The following ZMYND19 variants were observed in gnomAD, a reference collection of about 807,000 sequenced individuals.
ZMYND19 encodes the protein zinc finger MYND-type containing 19, also known as zinc finger MYND domain-containing protein 19.
In ZMYND19, 17 loss-of-function variants were observed where a neutral mutation model predicts 32.0. The ratio of observed to expected loss-of-function variants is 0.53; its 90% CI spans 0.36 to 0.80. The LOEUF (loss-of-function observed/expected upper bound fraction) is 0.80, where lower values mean the gene tolerates loss of function less well. Among genes scored for constraint, ZMYND19 ranks in the 30% least tolerant of loss-of-function variants. The pLI is 0.00. For missense variants in ZMYND19, 250 were observed against 293.6 expected (o/e 0.85, Z 1.09); for synonymous variants, 124 against 113.6 (o/e 1.09, Z -0.58).
At chr9:137,589,283 GCCT>G (rs1842242108) in intron 1 of ZMYND19, 1 of 974,620 alleles carries the variant, frequency 1.0e-6, no homozygotes, top group Non-Finnish European at 1.2e-6. Context: ...GTGGAAAAAA[GCCT>G]CCTCCCCAGC....
chr9:137,587,331 G>A (rs944701859), intron 3 of ZMYND19: 4 of 726,162 alleles, frequency 5.5e-6, no homozygotes, highest in South Asian at 2.0e-5. Flanking sequence ...GGGAGGACCC[G>A]GCCCCTGGAC....
intron 4 of ZMYND19, among the ~76,000 whole-genome samples, chr9:137,584,495 C>T (rs1226037386): frequency 6.6e-6 from 1 of 152,216 alleles, no homozygotes; most frequent in Admixed American, 6.5e-5. Flanking sequence ...GCTGGCCGGA[C>T]CCTGAGTCTT....
At chr9:137,584,789 G>T (rs1045041069) in intron 4 of ZMYND19, among the ~76,000 whole-genome samples, 3 of 152,206 alleles carry the variant, frequency 2.0e-5, no homozygotes, top group African/African-American at 7.2e-5. Context: ...AGAACAGGGT[G>T]CCTGCTTCAG....
In ZMYND19 at chr9:137,590,264, G is replaced by A. The variant is rs1842258155; in HGVS notation, c.-1C>T. On this transcript the variant is annotated 5_prime_UTR_variant, in exon 1 of 6. Transcript: ENST00000298585. This position sits in a 1 kb window ranked among gnomAD's most constrained non-coding sequence, Gnocchi z 4.2. ...CGATACCCAATTTGAAGTCGGTCAT[G>A]GCCGGGCCTGCGCTCTCGGCCGGCA... is the stretch of plus-strand genomic sequence containing the variant. 8.8e-7 allele frequency: 1 copy of A among 1,130,714 alleles called. No homozygotes were observed. The highest frequency in any genetic ancestry group is 2.1e-5 in the South Asian group (1 of 47,362). 70.0% of individuals were successfully genotyped at this position (1,130,714 alleles called of 1,614,324 possible).
intron 4 of ZMYND19, among the ~76,000 whole-genome samples, chr9:137,583,968 G>A (rs551098417): frequency 9.2e-5 from 14 of 152,340 alleles, no homozygotes; most frequent in African/African-American, 2.2e-4. Flanking sequence ...ACAAAGAGCC[G>A]GACCACAGGG....
chr9:137,590,469 G>GCCGCCGCCGCCA lies in ZMYND19; in HGVS notation c.-218_-207dup, dbSNP rs1223931732. 7.9e-5 allele frequency: 13 copies of GCCGCCGCCGCCA among 163,796 alleles called. No individual in the cohort carries two copies. The highest frequency in any genetic ancestry group is 1.9e-4 in the African/African-American group (8 of 41,050). The allele number at this position is 163,796 out of a possible 1,614,324, so 10.1% of individuals were successfully genotyped here. A position where few individuals can be genotyped will look rare whatever the true frequency, so the allele number is the denominator to read the frequency against. On this transcript the variant is annotated 5_prime_UTR_variant, in exon 1 of 6. Coordinates refer to ENST00000298585, the MANE Select transcript of ZMYND19 (RefSeq NM_138462.3). This position sits in a 1 kb window ranked among gnomAD's most constrained non-coding sequence, Gnocchi z 4.2. The stretch of plus-strand genomic sequence containing the variant: ...CCCGCCGGACCTGCCACGCGCCGCC[G>GCCGCCGCCGCCA]CCGCCGCCGCCACCGCCACCGCGCG...
At chr9:137,585,335 G>C (rs899474583) in intron 4 of ZMYND19, among the ~76,000 whole-genome samples, 1 of 150,566 alleles carries the variant, frequency 6.6e-6, no homozygotes, top group Admixed American at 6.7e-5. Flanking sequence ...GGGCAGAATT[G>C]CTTGAACTGG....
intron 3 of ZMYND19, 23 bp from the exon 4 acceptor site, chr9:137,587,130 G>C (rs1842214904): frequency 6.3e-7 from 1 of 1,599,618 alleles, no homozygotes; most frequent in Non-Finnish European, 8.5e-7. Context: ...AGCAAACCCT[G>C]CATCTAACCC....
chr9:137,582,904 G>A, intron 5 of ZMYND19, 79 bp downstream of exon 5: 1 of 1,571,942 alleles, frequency 6.4e-7, no homozygotes, highest in Non-Finnish European at 8.6e-7. Context: ...GGACCCCGCG[G>A]TGGAGGGCAA....
intron 4 of ZMYND19, among the ~76,000 whole-genome samples, chr9:137,586,164 C>T (rs906008539): frequency 3.9e-5 from 6 of 152,280 alleles, no homozygotes; most frequent in African/African-American, 1.4e-4. Context: ...GGGCTGAGCC[C>T]TGAACCATTC....
chr9:137,588,569 C>G, intron 2 of ZMYND19, 90 bp downstream of exon 2: 1 of 1,474,320 alleles, frequency 6.8e-7, no homozygotes, highest in Non-Finnish European at 9.4e-7. Context: ...GCCGCCTGCT[C>G]TTGCAGCACA....
At position 137,590,217 on chromosome 9, in the gene ZMYND19, C is replaced by T. The variant is rs960909631; in HGVS notation, c.47G>A (p.Gly16Glu). The T allele has an allele frequency of 3.5e-6, 4 of 1,133,564 alleles. No homozygotes were observed. Among genetic ancestry groups the T allele is most frequent in the Non-Finnish European group, 4.4e-6 (4 of 911,312 alleles). 70.2% of individuals were successfully genotyped at this position (1,133,564 alleles called of 1,614,324 possible). A position where few individuals can be genotyped will look rare whatever the true frequency, so the allele number is the denominator to read the frequency against. The change falls in exon 1 of 6, where the codon GGG (glycine) becomes GAG (glutamate). Residue 16 changes from glycine (G) to glutamate (E), a missense_variant. Physicochemically the swap from Gly to Glu is moderately conservative, Grantham distance 98 (BLOSUM62 -2). This residue lies in a region of ZMYND19 where 212 missense variants were observed against 218.8 expected (regional missense o/e 0.97). Coordinates refer to ENST00000298585, the MANE Select transcript of ZMYND19 (RefSeq NM_138462.3). The surrounding 1 kb of genome is among the most constrained non-coding windows in gnomAD (Gnocchi z 4.2). ...CGCGGGCTCCGCGCCGCTCACCTTC[C>T]CGGCCACCCGGCCGAGCCGCACGAT... The part of the protein sequence containing the change: ...LGIVRLGRVA[G>E]KTKYTLIDEQ...
At position 137,590,372 on chromosome 9, in the gene ZMYND19, C is replaced by A. The variant is rs1842259833; in HGVS notation, c.-109G>T. On this transcript the variant is annotated 5_prime_UTR_variant, in exon 1 of 6. Coordinates refer to ENST00000298585, the MANE Select transcript of ZMYND19 (RefSeq NM_138462.3). The surrounding 1 kb of genome is among the most constrained non-coding windows in gnomAD (Gnocchi z 4.2). ...GACAGGACGGGACCGGAGCCGGGGT[C>A]GGGGTAGCAGCCAGGCGGGCTCCGG... 2.8e-6 allele frequency: 2 copies of A among 724,474 alleles called. No individual in the cohort carries two copies. Among genetic ancestry groups the A allele is most frequent in the Non-Finnish European group, 1.7e-6 (1 of 592,182 alleles). 44.9% of individuals were successfully genotyped at this position (724,474 alleles called of 1,614,324 possible). A position where few individuals can be genotyped will look rare whatever the true frequency, so the allele number is the denominator to read the frequency against.
In ZMYND19 at chr9:137,590,014, T is replaced by C; in HGVS notation, c.51+199A>G. On this transcript the variant is annotated intron_variant, in intron 1 of 5. Transcript: ENST00000298585. The surrounding 1 kb of genome is among the most constrained non-coding windows in gnomAD (Gnocchi z 4.2). ...CCAGGTGCACCCCAGAGCCGAGGGG[T>C]GCGTGCCCGCCGGCCTGCGAGAGGA... 1.0e-6 allele frequency: 1 copy of C among 984,498 alleles called. No individual in the cohort carries two copies. The highest frequency in any genetic ancestry group is 1.2e-6 in the Non-Finnish European group (1 of 829,634). The allele number at this position is 984,498 out of a possible 1,614,324, so 61.0% of individuals were successfully genotyped here.
At chr9:137,587,284 A>G in intron 3 of ZMYND19, 177 bp from the exon 4 acceptor site, 1 of 1,052,420 alleles carries the variant, frequency 9.5e-7, no homozygotes, top group Non-Finnish European at 1.3e-6. Flanking sequence ...GAGAAACCCA[A>G]GCACCTGATC....
chr9:137,589,839 G>T (rs1336630842), intron 1 of ZMYND19: 1 of 985,382 alleles, frequency 1.0e-6, no homozygotes, highest in African/African-American at 1.7e-5. Context: ...TGGCCGCACT[G>T]GCAGCCCGGA....
At chr9:137,588,767 A>G (rs1302925962) in intron 1 of ZMYND19, 49 bp from the exon 2 acceptor site, 1 of 1,607,636 alleles carries the variant, frequency 6.2e-7, no homozygotes, top group African/African-American at 1.3e-5. Context: ...GATCTGCGTG[A>G]GGTGCAGTAA....
intron 4 of ZMYND19, among the ~76,000 whole-genome samples, chr9:137,585,956 G>T (rs1044691111): frequency 1.3e-5 from 2 of 152,264 alleles, no homozygotes; most frequent in Admixed American, 1.3e-4. Context: ...AGGGGAACAT[G>T]TCAGTGAAGC....
At chr9:137,585,601 G>A (rs1357964769) in intron 4 of ZMYND19, among the ~76,000 whole-genome samples, 1 of 152,148 alleles carries the variant, frequency 6.6e-6, no homozygotes, top group Non-Finnish European at 1.5e-5. Flanking sequence ...CCTTCGTCCT[G>A]AGAGGCCCAG....
Sources: allele counts gnomAD v4.1 joint callset (sites outside exome capture counted in the v4.1 genomes callset), GRCh38; gene constraint gnomAD v4.1.1; regional missense constraint gnomAD v4.1.1; non-coding constraint Gnocchi (gnomAD v3.1); transcripts MANE v1.5; gene names NCBI Gene and HGNC (gene_info 2026-07-23, HGNC 2026-07-21).